ROBO2: variants seen among roughly 807,000 people sequenced by gnomAD.
The protein encoded by ROBO2 is roundabout guidance receptor 2, also known as roundabout homolog 2.
A neutral mutation model predicts 160.8 loss-of-function variants in ROBO2; 53 were observed. That is an observed-to-expected ratio of 0.33 (90% CI 0.26 to 0.41). The LOEUF is 0.41. Ranked by LOEUF, ROBO2 falls within the 10% of genes least tolerant of loss-of-function variation. The probability of loss-of-function intolerance (pLI) is 1.00; values close to 1 mark genes in which losing one functional copy is unlikely to be tolerated. For missense variants in ROBO2, 1,577 were observed against 1,722.4 expected, an observed-to-expected ratio of 0.92 and a Z score of 1.49; for synonymous variants, 664 against 611.7, an observed-to-expected ratio of 1.09 and a Z score of -1.26.
At chr3:76,788,597 T>C (rs1237578449) in intron 2 of ROBO2, among the ~76,000 whole-genome samples, 1 of 151,600 alleles carries the variant, frequency 6.6e-6, no homozygotes, top group Non-Finnish European at 1.5e-5. Flanking sequence ...AAATTACTTT[T>C]TAGCAGATTG....
At chr3:76,625,383 A>G (rs1040926818) in intron 2 of ROBO2, among the ~76,000 whole-genome samples, 4 of 152,180 alleles carry the variant, frequency 2.6e-5, no homozygotes, top group South Asian at 4.1e-4. Context: ...GCGAGTTTCT[A>G]TTCTAGGCAC....
intron 2 of ROBO2, among the ~76,000 whole-genome samples, chr3:76,529,547 T>A (rs1360256746): frequency 6.6e-6 from 1 of 152,170 alleles, no homozygotes; most frequent in African/African-American, 2.4e-5. Flanking sequence ...GAAATAAAAA[T>A]GAGATTCCTT....
At chr3:76,714,190 C>A (rs968932698) in intron 2 of ROBO2, among the ~76,000 whole-genome samples, 2 of 152,012 alleles carry the variant, frequency 1.3e-5, no homozygotes, top group Non-Finnish European at 2.9e-5. Flanking sequence ...CCATGTGCAG[C>A]GTATACATTT....
intron 2 of ROBO2, among the ~76,000 whole-genome samples, chr3:76,871,820 C>T (rs1413800358): frequency 6.6e-6 from 1 of 152,082 alleles, no homozygotes; most frequent in Non-Finnish European, 1.5e-5. Context: ...TTGTAGCCAC[C>T]AGCTCTTGCT....
intron 2 of ROBO2, among the ~76,000 whole-genome samples, chr3:77,339,796 C>T (rs1440147336): frequency 6.6e-6 from 1 of 151,906 alleles, no homozygotes; most frequent in Non-Finnish European, 1.5e-5. Context: ...TAGCAAAAAA[C>T]ATGCAGACAT....
rs114313124 is a variant in ROBO2 at position 77,476,864 on chromosome 3, G to A, written c.389-550G>A. Among the ~76,000 whole-genome samples the A allele has an allele frequency of 7.5e-3, 1,147 of 152,270 alleles. 20 individuals carry two copies. Among genetic ancestry groups the A allele is most frequent in the African/African-American group, 0.026 (1,091 of 41,556 alleles). On this transcript the variant is annotated intron_variant, in intron 2 of 25. Transcript: ENST00000461745. ...AGAATGAAAATGTAGCCCTGCGTAT[G>A]TGGGTGCTAGTGTGCTGCAAGGGTG...
intron 2 of ROBO2, among the ~76,000 whole-genome samples, chr3:77,290,084 G>C (rs1275153590): frequency 2.0e-5 from 3 of 150,854 alleles, no homozygotes; most frequent in African/African-American, 7.3e-5. Flanking sequence ...AAGTAAAATT[G>C]ACGGTTAAAC....
At chr3:76,798,257 AAG>A (rs1193279074) in intron 2 of ROBO2, among the ~76,000 whole-genome samples, 8 of 142,634 alleles carry the variant, frequency 5.6e-5, no homozygotes, top group African/African-American at 2.1e-4. Context: ...AGAAAGAAAG[AAG>A]GAAAGAAAGA....
chr3:77,312,005 G>C (rs1184407322), intron 2 of ROBO2, among the ~76,000 whole-genome samples: 2 of 152,048 alleles, frequency 1.3e-5, no homozygotes, highest in East Asian at 1.9e-4. Flanking sequence ...AGAACTGCTT[G>C]AACCTGGGAG....
At chr3:77,593,153 T>C (rs2094217271) in intron 17 of ROBO2, among the ~76,000 whole-genome samples, 1 of 151,818 alleles carries the variant, frequency 6.6e-6, no homozygotes, top group African/African-American at 2.4e-5. Context: ...TTCACAATGA[T>C]ATTCACACCA....
At chr3:77,494,971 A>G (rs2086603336) in intron 5 of ROBO2, among the ~76,000 whole-genome samples, 1 of 152,218 alleles carries the variant, frequency 6.6e-6, no homozygotes, top group African/African-American at 2.4e-5. Flanking sequence ...ATCTGTCTTT[A>G]AAGGAATGGT....
chr3:76,217,840 C>G (rs950674364), intron 2 of ROBO2, among the ~76,000 whole-genome samples: 1 of 152,150 alleles, frequency 6.6e-6, no homozygotes, highest in Non-Finnish European at 1.5e-5. Flanking sequence ...GATGCCAAAG[C>G]CTGACAGAGA....
At chr3:77,386,358 C>A (rs2074096983) in intron 2 of ROBO2, among the ~76,000 whole-genome samples, 1 of 152,012 alleles carries the variant, frequency 6.6e-6, no homozygotes, top group Non-Finnish European at 1.5e-5. Context: ...AAAAAAGATA[C>A]CAGTGGAACA....
intron 2 of ROBO2, among the ~76,000 whole-genome samples, chr3:76,676,481 A>G (rs1464815960): frequency 6.6e-6 from 1 of 152,144 alleles, no homozygotes; most frequent in Non-Finnish European, 1.5e-5. Flanking sequence ...AAACGGACTA[A>G]TACAACAAGG....
At chr3:76,345,420 GA>G (rs1330488697) in intron 2 of ROBO2, among the ~76,000 whole-genome samples, 1 of 31,580 alleles carries the variant, frequency 3.2e-5, no homozygotes, top group Admixed American at 2.0e-4. Flanking sequence ...GAGTAGGCAG[GA>G]TATCTTTTTT....
At chr3:76,556,609 T>G (rs2108439567) in intron 2 of ROBO2, among the ~76,000 whole-genome samples, 1 of 152,298 alleles carries the variant, frequency 6.6e-6, no homozygotes, top group East Asian at 1.9e-4. Context: ...ATTGGAATTT[T>G]TGTGAATTTA....
chr3:77,218,533 T>C (rs2008911), intron 2 of ROBO2, among the ~76,000 whole-genome samples: 57,418 of 151,834 alleles, frequency 0.38, 12,036 homozygotes, highest in Middle Eastern at 0.58. Context: ...CAAGCATGCC[T>C]GGCTAATTTT....
chr3:76,777,775 TTTAG>T (rs1251045481), intron 2 of ROBO2, among the ~76,000 whole-genome samples: 3 of 150,902 alleles, frequency 2.0e-5, no homozygotes, highest in Middle Eastern at 3.2e-3. Context: ...TTGATGAGAG[TTTAG>T]TTAGTCTGGA....
At chr3:76,477,321 GATA>G (rs1422546401) in intron 2 of ROBO2, among the ~76,000 whole-genome samples, 1 of 152,108 alleles carries the variant, frequency 6.6e-6, no homozygotes, top group African/African-American at 2.4e-5. Context: ...ACTTAGGAAT[GATA>G]ATAAGCATTG....
Sources: gnomAD v4.1 joint callset for allele counts (sites outside exome capture counted in the v4.1 genomes callset) on GRCh38, gnomAD v4.1.1 for gene constraint, MANE v1.5 for transcripts, NCBI Gene and HGNC (gene_info 2026-07-23, HGNC 2026-07-21) for gene names.